The following MDGA2 variants were observed in gnomAD, a reference collection of about 807,000 sequenced individuals.
MDGA2 encodes the protein MAM domain containing glycosylphosphatidylinositol anchor 2.
A neutral mutation model predicts 117.8 loss-of-function variants in MDGA2; 40 were observed. The ratio of observed to expected loss-of-function variants is 0.34; its 90% confidence interval spans 0.26 to 0.44. MDGA2 has a LOEUF of 0.44. Ranked by LOEUF, MDGA2 falls within the 20% of genes least tolerant of loss-of-function variation. The pLI, the probability that MDGA2 is intolerant of heterozygous loss-of-function variation, is 1.00. For missense variants in MDGA2, 1,123 were observed against 1,250.6 expected, an observed-to-expected ratio of 0.90 and a Z score of 1.54; for synonymous variants, 452 against 439.0, an observed-to-expected ratio of 1.03 and a Z score of -0.37.
At chr14:47,332,436 T>C (rs1469565519) in intron 1 of MDGA2, among the ~76,000 whole-genome samples, 1 of 151,880 alleles carries the variant, frequency 6.6e-6, no homozygotes, top group Non-Finnish European at 1.5e-5. Context: ...CCAATTTGAG[T>C]TAATACACAA....
chr14:46,855,071 T>C lies in MDGA2; in HGVS notation c.2836A>G (p.Arg946Gly). ...ATATTAACATGAGCCTCATTCCATC[T>C]TTGTCCTTTATTCCCACTTGAAGAC... ...LWSSSGNKGQ[R>G]WNEAHVNIYP... Residue 946 changes from arginine to glycine, a missense_variant, in exon 15 of 17, where the codon AGA becomes GGA. By Grantham distance (125) the Arg-to-Gly change is moderately radical (BLOSUM62 -2). Around this residue, in one of 2 missense-constraint regions of MDGA2, gnomAD observed 890 missense variants for 1,050.3 expected, o/e 0.85. Transcript: ENST00000399232. The surrounding 1 kb of genome is among the most constrained non-coding windows in gnomAD (Gnocchi z 4.1). 6.2e-7 allele frequency: 1 copy of C among 1,611,834 alleles called. No homozygotes were observed.
At chr14:47,269,051 T>C (rs1341514481) in intron 2 of MDGA2, among the ~76,000 whole-genome samples, 1 of 152,142 alleles carries the variant, frequency 6.6e-6, no homozygotes, top group African/African-American at 2.4e-5. Flanking sequence ...GAAAAAAATC[T>C]CTGTGGATTG....
intron 3 of MDGA2, among the ~76,000 whole-genome samples, chr14:47,181,443 G>A (rs1291874585): frequency 6.6e-6 from 1 of 151,992 alleles, no homozygotes; most frequent in African/African-American, 2.4e-5. Context: ...ATACTATGCA[G>A]TCATAAAAAC....
intron 1 of MDGA2, among the ~76,000 whole-genome samples, chr14:47,625,085 AAC>A (rs1897116830): frequency 6.6e-6 from 1 of 152,186 alleles, no homozygotes; most frequent in African/African-American, 2.4e-5. Flanking sequence ...CTAAAAATTA[AAC>A]AGTTTGCCCT....
At chr14:47,435,791 G>A (rs1892884899) in intron 1 of MDGA2, among the ~76,000 whole-genome samples, 1 of 152,012 alleles carries the variant, frequency 6.6e-6, no homozygotes, top group South Asian at 2.1e-4. Context: ...ACTCCCTCAT[G>A]ACCAGGTTAC....
chr14:47,294,246 T>C (rs530285863), intron 2 of MDGA2, among the ~76,000 whole-genome samples: 1 of 151,584 alleles, frequency 6.6e-6, no homozygotes, highest in Non-Finnish European at 1.5e-5. Context: ...CAGGCAAATG[T>C]CACCACACCT....
At chr14:47,628,757 AT>A (rs551375417) in intron 1 of MDGA2, among the ~76,000 whole-genome samples, 99 of 152,304 alleles carry the variant, frequency 6.5e-4, no homozygotes, top group Middle Eastern at 3.4e-3. Context: ...AAGAATGAAG[AT>A]TTTTTTCCCC....
intron 2 of MDGA2, among the ~76,000 whole-genome samples, chr14:47,246,770 C>T (rs1349763642): frequency 6.7e-6 from 1 of 148,906 alleles, no homozygotes; most frequent in Non-Finnish European, 1.5e-5. Context: ...CAGGAAAGAA[C>T]AAAAACCCAT....
chr14:46,957,779 T>G (rs1329972185), intron 8 of MDGA2, 136 bp from the exon 9 acceptor site: 1 of 970,262 alleles, frequency 1.0e-6, no homozygotes, highest in South Asian at 1.7e-5. Flanking sequence ...GAAGAACATA[T>G]TTAAGCCCAG....
intron 6 of MDGA2, among the ~76,000 whole-genome samples, chr14:47,064,107 A>G (rs955226236): frequency 6.6e-6 from 1 of 152,076 alleles, no homozygotes; most frequent in Non-Finnish European, 1.5e-5. Flanking sequence ...AGAGATTATA[A>G]ACCCATAATC....
At chr14:47,329,588 A>G (rs1890237395) in intron 1 of MDGA2, among the ~76,000 whole-genome samples, 1 of 152,024 alleles carries the variant, frequency 6.6e-6, no homozygotes, top group South Asian at 2.1e-4. Flanking sequence ...AGTAAAGTTG[A>G]TTATGATCAT....
intron 3 of MDGA2, among the ~76,000 whole-genome samples, chr14:47,167,207 G>C (rs1165245396): frequency 6.6e-6 from 1 of 151,716 alleles, no homozygotes; most frequent in Non-Finnish European, 1.5e-5. Context: ...TGCTGAAGTT[G>C]ATACATATTT....
chr14:47,373,827 T>A (rs376898059), intron 1 of MDGA2, among the ~76,000 whole-genome samples: 13 of 152,170 alleles, frequency 8.5e-5, no homozygotes, highest in African/African-American at 3.1e-4. Context: ...GGCATAAGAA[T>A]AATACTCGAT....
At chr14:47,451,494 G>A (rs1448845911) in intron 1 of MDGA2, among the ~76,000 whole-genome samples, 2 of 152,112 alleles carry the variant, frequency 1.3e-5, no homozygotes. Flanking sequence ...AAAAGAGAAT[G>A]TGGAACTGAC....
intron 1 of MDGA2, among the ~76,000 whole-genome samples, chr14:47,310,121 A>G (rs553105828): frequency 2.6e-5 from 4 of 152,178 alleles, no homozygotes; most frequent in Non-Finnish European, 5.9e-5. Context: ...GAAGATTTAC[A>G]CATTGGCAGC....
At chr14:47,244,803 G>A (rs557715915) in intron 2 of MDGA2, among the ~76,000 whole-genome samples, 8 of 151,554 alleles carry the variant, frequency 5.3e-5, no homozygotes, top group Non-Finnish European at 1.2e-4. Context: ...TACATATACC[G>A]AAACAGTATT....
chr14:47,471,447 T>A (rs997195891), intron 1 of MDGA2, among the ~76,000 whole-genome samples: 3 of 152,164 alleles, frequency 2.0e-5, no homozygotes, highest in African/African-American at 7.2e-5. Flanking sequence ...AGAAAAATCA[T>A]TATATGAACC....
intron 1 of MDGA2, among the ~76,000 whole-genome samples, chr14:47,517,807 C>A (rs1018931868): frequency 1.3e-5 from 2 of 152,110 alleles, no homozygotes; most frequent in African/African-American, 2.4e-5. Context: ...TACATGAGTT[C>A]ATTTGTTCCT....
At chr14:47,006,404 A>T (rs991540046) in intron 8 of MDGA2, among the ~76,000 whole-genome samples, 1 of 140,406 alleles carries the variant, frequency 7.1e-6, no homozygotes, top group Non-Finnish European at 1.5e-5. Flanking sequence ...ATATAATTAA[A>T]ATTATATTTA....
Sources: allele counts gnomAD v4.1 joint callset (sites outside exome capture counted in the v4.1 genomes callset), GRCh38; gene constraint gnomAD v4.1.1; regional missense constraint gnomAD v4.1.1; non-coding constraint Gnocchi (gnomAD v3.1); transcripts MANE v1.5; gene names NCBI Gene and HGNC (gene_info 2026-07-23, HGNC 2026-07-21).